PEAK1: variants seen among roughly 807,000 people sequenced by gnomAD.
PEAK1 encodes the protein pseudopodium enriched atypical kinase 1, also known as inactive tyrosine-protein kinase PEAK1.
A neutral mutation model predicts 124.7 loss-of-function variants in PEAK1; 54 were observed. The observed-to-expected ratio is 0.43, with a 90% CI of 0.35 to 0.54. The LOEUF (loss-of-function observed/expected upper bound fraction) is 0.54. Among genes scored for constraint, PEAK1 ranks in the 20% least tolerant of loss-of-function variants. The pLI, the probability that PEAK1 is intolerant of heterozygous loss-of-function variation, is 0.01. For synonymous variants in PEAK1, 719 were observed against 760.0 expected (o/e 0.95, Z 0.89); for missense variants, 2,046 against 2,134.5 (o/e 0.96, Z 0.82).
chr15:77,343,498 T>G (rs1403584575), intron 2 of PEAK1, among the ~76,000 whole-genome samples: 1 of 149,384 alleles, frequency 6.7e-6, no homozygotes, highest in African/African-American at 2.5e-5. Context: ...TTTTTTTTTT[T>G]TTTTTTGAGA....
chr15:77,255,369 G>A, intron 5 of PEAK1: 1 of 983,410 alleles, frequency 1.0e-6, no homozygotes, highest in Non-Finnish European at 1.2e-6. Context: ...CCAAGCTTCT[G>A]CCGGTACCAA....
chr15:77,333,555 T>G (rs894250839), intron 2 of PEAK1: 1 of 888,186 alleles, frequency 1.1e-6, no homozygotes, highest in Non-Finnish European at 1.3e-6. Context: ...ACACATTTCC[T>G]TATGTTTTTA....
chr15:77,286,493 A>C lies in PEAK1; in HGVS notation c.-591T>G. 2 of 1,227,702 alleles carry C rather than the reference A, an allele frequency of 1.6e-6. No homozygotes were observed. The highest frequency in any genetic ancestry group is 1.0e-6 in the Non-Finnish European group (1 of 984,478). The allele number at this position is 1,227,702 out of a possible 1,614,324, so 76.1% of individuals were successfully genotyped here. A position where few individuals can be genotyped will look rare whatever the true frequency, so the allele number is the denominator to read the frequency against. ...TTTCTTTCCTTACAAATGGATCTCAAGTATTCTTTTCCTATTAGAAGATGC... is the reference window on the plus strand; with the variant it reads ...TTTCTTTCCTTACAAATGGATCTCACGTATTCTTTTCCTATTAGAAGATGC... On this transcript the variant is annotated 5_prime_UTR_variant, in exon 3 of 10. Transcript: ENST00000682557.
At chr15:77,376,457 A>T (rs1423554287) in intron 1 of PEAK1, among the ~76,000 whole-genome samples, 2 of 152,244 alleles carry the variant, frequency 1.3e-5, no homozygotes, top group South Asian at 2.1e-4. Flanking sequence ...TACCTACCCT[A>T]GCAGAACTCT....
At position 77,114,353 on chromosome 15, in the gene PEAK1, G is replaced by A. The variant is rs1343672586; in HGVS notation, c.5044C>T (p.Pro1682Ser). 5 of 1,614,188 alleles carry A rather than the reference G, an allele frequency of 3.1e-6. No individual in the cohort carries two copies. The South Asian group carries it at 5.5e-5, about 18-fold the overall frequency. ...AGGGTGTTCCTCTGTACTAGGCTAG[G>A]GCAGGCGGTGAAAGTCTGGAAGAGA... Reference protein sequence around the residue: ...EDLFQTFTACPSLVQRNTLLQ... With the variant: ...EDLFQTFTACSSLVQRNTLLQ... Residue 1682 changes from proline to serine, a missense_variant, in exon 10 of 10, where the codon CCT becomes TCT. Coordinates refer to ENST00000682557, the MANE Select transcript of PEAK1 (RefSeq NM_001385026.1).
At position 77,244,707 on chromosome 15, in the gene PEAK1, G is replaced by A. The variant is rs2060502601; in HGVS notation, c.-115+7660C>T. On this transcript the variant is annotated intron_variant, in intron 6 of 9. Coordinates refer to ENST00000682557, the MANE Select transcript of PEAK1 (RefSeq NM_001385026.1). ...GGGTCCAAGCAATTCTCATGCCTCA[G>A]CCTCCCAAGTAGCTGGAACTAAAGG... 2.6e-5 allele frequency among the ~76,000 whole-genome samples: 4 copies of A among 151,872 alleles called. No homozygotes were observed. The East Asian group carries it at 7.7e-4, about 29-fold the overall frequency.
chr15:77,364,906 T>C (rs2068119500), intron 2 of PEAK1, among the ~76,000 whole-genome samples: 1 of 152,216 alleles, frequency 6.6e-6, no homozygotes, highest in African/African-American at 2.4e-5. Flanking sequence ...AACAGTAGTA[T>C]GAATTTCGTC....
chr15:77,291,622 T>A (rs1042683310), intron 2 of PEAK1, among the ~76,000 whole-genome samples: 3 of 152,126 alleles, frequency 2.0e-5, no homozygotes, highest in Non-Finnish European at 2.9e-5. Flanking sequence ...GAATATGGAA[T>A]CATCCATCTG....
intron 2 of PEAK1, chr15:77,336,400 C>T (rs1194492789): frequency 1.0e-6 from 1 of 985,298 alleles, no homozygotes; most frequent in African/African-American, 1.7e-5. Context: ...CTTTTCCACT[C>T]AGGAGTCCCT....
intron 2 of PEAK1, among the ~76,000 whole-genome samples, chr15:77,305,126 G>A (rs1022391451): frequency 7.0e-6 from 1 of 142,984 alleles, no homozygotes; most frequent in African/African-American, 2.6e-5. Context: ...CTGGACAACA[G>A]AGCAAGACCC....
chr15:77,411,283 A>G (rs2072390274), intron 1 of PEAK1, among the ~76,000 whole-genome samples: 1 of 152,198 alleles, frequency 6.6e-6, no homozygotes, highest in South Asian at 2.1e-4. Context: ...GTGAAAAGGT[A>G]GCAGAGAGCC....
At chr15:77,205,830 A>T (rs886864416) in intron 6 of PEAK1, among the ~76,000 whole-genome samples, 2 of 151,524 alleles carry the variant, frequency 1.3e-5, no homozygotes, top group Admixed American at 6.6e-5. Context: ...ATTATTTTTT[A>T]TTTTTTTTAT....
chr15:77,220,705 C>G (rs1401052538), intron 6 of PEAK1, among the ~76,000 whole-genome samples: 1 of 151,930 alleles, frequency 6.6e-6, no homozygotes, highest in Non-Finnish European at 1.5e-5. Flanking sequence ...TAAAGGAAGG[C>G]AATGATATGT....
intron 2 of PEAK1, among the ~76,000 whole-genome samples, chr15:77,306,901 AACATAAACATGT>A (rs1421936427): frequency 6.6e-6 from 1 of 152,172 alleles, no homozygotes; most frequent in African/African-American, 2.4e-5. Context: ...ATACATTAGA[AACATAAACATGT>A]ACATAAACAT....
intron 2 of PEAK1, among the ~76,000 whole-genome samples, chr15:77,361,611 T>C (rs1254975318): frequency 6.6e-6 from 1 of 152,150 alleles, no homozygotes; most frequent in Admixed American, 6.5e-5. Context: ...AAAGGAACTC[T>C]TATATACTGC....
At chr15:77,105,357 T>C (rs146267401), downstream of PEAK1, 7,414 of 85,204 alleles carry the variant, frequency 0.087, 332 homozygotes, top group African/African-American at 0.2. Flanking sequence ...TGTGTGTGTG[T>C]GCGCGCGTGC....
chr15:77,302,325 C>T (rs2063829787), intron 2 of PEAK1, among the ~76,000 whole-genome samples: 1 of 152,146 alleles, frequency 6.6e-6, no homozygotes, highest in Non-Finnish European at 1.5e-5. Flanking sequence ...CATATGCAAC[C>T]ATGTGTATCT....
intron 8 of PEAK1, chr15:77,155,132 A>G (rs1206590580): frequency 3.9e-5 from 6 of 152,186 alleles, no homozygotes; most frequent in Admixed American, 2.0e-4. Flanking sequence ...AATCAGACGC[A>G]GATTTGGTCT....
At position 77,158,636 on chromosome 15, in the gene PEAK1, C is replaced by G; in HGVS notation, c.3198G>C (p.Gly1066=). ...AAGTGCAGCCCCTGCCATCTTGCTT[C>G]CCAACAACAGTTCTTGGATCCCGAG... ...FSPRDPRTVV[G]KQDGRGCTSV... Residue 1066 remains glycine (G), a synonymous_variant, in exon 8 of 10, where the codon GGG becomes GGC. Transcript: ENST00000682557. 6.2e-7 allele frequency: 1 copy of G among 1,614,132 alleles called. No homozygotes were observed.
Sources: gnomAD v4.1 joint callset for allele counts (sites outside exome capture counted in the v4.1 genomes callset) on GRCh38, gnomAD v4.1.1 for gene constraint, MANE v1.5 for transcripts, NCBI Gene and HGNC (gene_info 2026-07-23, HGNC 2026-07-21) for gene names.